The following SLC25A51 variants were observed in gnomAD, a reference collection of about 807,000 sequenced individuals.
SLC25A51 encodes the protein mitochondrial nicotinamide adenine dinucleotide transporter SLC25A51.
In SLC25A51, 11 loss-of-function variants were observed where a neutral mutation model predicts 19.1. The ratio of observed to expected loss-of-function variants is 0.58; its 90% CI spans 0.36 to 0.96. SLC25A51 has a LOEUF of 0.96. SLC25A51 is among the 40% of genes least tolerant of loss of function. The pLI is 0.01. For missense variants in SLC25A51, 201 were observed against 365.4 expected, an observed-to-expected ratio of 0.55 and a Z score of 3.67; for synonymous variants, 105 against 133.6, an observed-to-expected ratio of 0.79 and a Z score of 1.47.
chr9:37,889,496 G>A (rs1039028470), intron 2 of SLC25A51, among the ~76,000 whole-genome samples: 9 of 152,012 alleles, frequency 5.9e-5, no homozygotes, highest in Non-Finnish European at 1.2e-4. Flanking sequence ...AGGCCTACAG[G>A]TATGTACCAT....
chr9:37,880,185 TGCCTGCAATCCCAGCTACTC>T (rs1831323265), exon 4 of SLC25A51: 1 of 151,572 alleles, frequency 6.6e-6, no homozygotes, highest in African/African-American at 2.4e-5. Flanking sequence ...TGATGGCGGA[TGCCTGCAATCCCAGCTACTC>T]CGGAGGCTGA....
At chr9:37,882,302 T>C (rs1414665133) in intron 2 of SLC25A51, among the ~76,000 whole-genome samples, 1 of 152,090 alleles carries the variant, frequency 6.6e-6, no homozygotes. Flanking sequence ...CGCCTCACTC[T>C]ACTTCATCTA....
At chr9:37,887,401 C>T (rs1156355039), downstream of SLC25A51, among the ~76,000 whole-genome samples, 2 of 151,428 alleles carry the variant, frequency 1.3e-5, no homozygotes, top group African/African-American at 2.4e-5. Context: ...TCATTGAAGA[C>T]AATATTGAAC....
chr9:37,888,571 T>C lies in SLC25A51; in HGVS notation c.-21A>G. 2 of 1,566,544 alleles carry C rather than the reference T, an allele frequency of 1.3e-6. No individual in the cohort carries two copies. Among genetic ancestry groups the C allele is most frequent in the South Asian group, 2.4e-5 (2 of 82,970 alleles). On this transcript the variant is annotated 5_prime_UTR_variant, in exon 3 of 3. Coordinates refer to ENST00000242275, the MANE Select transcript of SLC25A51 (RefSeq NM_033412.4). ...ATCATGCTGCTTAAGATCTTTCTTTTTCATGAAGGACTTTTTTTAACCTAC... is the reference window on the plus strand; with the variant it reads ...ATCATGCTGCTTAAGATCTTTCTTTCTCATGAAGGACTTTTTTTAACCTAC...
intron 1 of SLC25A51, among the ~76,000 whole-genome samples, chr9:37,903,330 G>A (rs577848305): frequency 6.6e-6 from 1 of 152,214 alleles, no homozygotes; most frequent in Non-Finnish European, 1.5e-5. Flanking sequence ...AGGTAGAGCT[G>A]TGAGATGCAA....
At chr9:37,900,024 G>T (rs55691511) in intron 1 of SLC25A51, 74 bp from the exon 2 acceptor site, 2 of 65,150 alleles carry the variant, frequency 3.1e-5, no homozygotes, top group African/African-American at 5.6e-5. Context: ...TTTTTGTAGA[G>T]ACAGGGTCTC....
downstream of SLC25A51, chr9:37,885,563 G>C: frequency 1.6e-6 from 1 of 638,334 alleles, no homozygotes; most frequent in Non-Finnish European, 2.8e-6. Context: ...CTAATTTTTT[G>C]TATTTTTAGT....
chr9:37,890,776 C>T (rs937937716), intron 2 of SLC25A51, among the ~76,000 whole-genome samples: 5 of 152,022 alleles, frequency 3.3e-5, no homozygotes, highest in Admixed American at 3.3e-4. Context: ...GTCTCAAAGA[C>T]CTTGTACACC....
intron 1 of SLC25A51, among the ~76,000 whole-genome samples, chr9:37,901,090 TCCTTGGGCTCACATCATCTGCCAG>T (rs1831838115): frequency 1.3e-5 from 2 of 152,078 alleles, no homozygotes; most frequent in East Asian, 1.9e-4. Context: ...GGTCTCAAAC[TCCTTGGGCTCACATCATCTGCCAG>T]CCTTGGCCTC....
intron 2 of SLC25A51, among the ~76,000 whole-genome samples, chr9:37,890,076 A>AT (rs1831549308): frequency 1.3e-5 from 2 of 151,970 alleles, no homozygotes; most frequent in South Asian, 4.1e-4. Context: ...TTTTAATTGG[A>AT]TTTTAATTCC....
Position 37,899,967 on chromosome 9 carries a change from T to C in SLC25A51, c.-164-17A>G, listed in dbSNP as rs1831808113. The C allele has an allele frequency of 6.8e-6, 1 of 146,414 alleles. No individual in the cohort carries two copies. Among genetic ancestry groups the C allele is most frequent in the South Asian group, 2.2e-4 (1 of 4,502 alleles). The allele number at this position is 146,414 out of a possible 1,614,324, so 9.1% of individuals were successfully genotyped here. On this transcript the variant is annotated splice_polypyrimidine_tract_variant and intron_variant, in intron 1 of 2. Transcript: ENST00000242275. ...CTGGATTTCCTTAAAAAAAAAAAAA[T>C]TCTGGTTTAATTTATATAGCCTTTT...
intron 2 of SLC25A51, among the ~76,000 whole-genome samples, chr9:37,891,378 C>G (rs1011990506): frequency 6.6e-6 from 1 of 152,134 alleles, no homozygotes; most frequent in Non-Finnish European, 1.5e-5. Context: ...TCATTGAGAA[C>G]GGGCCATGAT....
intron 2 of SLC25A51, among the ~76,000 whole-genome samples, chr9:37,897,060 C>T (rs1035080846): frequency 1.3e-5 from 2 of 152,120 alleles, no homozygotes; most frequent in Non-Finnish European, 2.9e-5. Flanking sequence ...AAATACTGAT[C>T]ATCTTTTCAA....
At chr9:37,887,254 T>G (rs773891911), downstream of SLC25A51, among the ~76,000 whole-genome samples, 3 of 151,438 alleles carry the variant, frequency 2.0e-5, no homozygotes, top group African/African-American at 7.3e-5. Flanking sequence ...GAGGCGGAGG[T>G]TGCAGTGAGC....
intron 2 of SLC25A51, among the ~76,000 whole-genome samples, chr9:37,896,471 T>C (rs1312632681): frequency 6.6e-6 from 1 of 152,168 alleles, no homozygotes; most frequent in Non-Finnish European, 1.5e-5. Context: ...TGGTGGAAGA[T>C]GTATCCACAG....
downstream of SLC25A51, chr9:37,885,606 T>C (rs73646122): frequency 9.1e-3 from 6,839 of 754,310 alleles, 332 homozygotes; most frequent in African/African-American, 0.11. Flanking sequence ...TTTCACTCTT[T>C]TTGGCAACAA....
chr9:37,888,061 G>A lies in SLC25A51; in HGVS notation c.490C>T (p.Leu164=). 6.2e-7 allele frequency: 1 copy of A among 1,613,762 alleles called. No homozygotes were observed. The highest frequency in any genetic ancestry group is 8.5e-7 in the Non-Finnish European group (1 of 1,179,870). The part of the protein sequence containing the change: ...FTNTYQAFKA[L]KCHGIGEYYR... ...TACTCTCCAATTCCATGACATTTCA[G>A]TGCCTTGAAAGCCTGGTAAGTGTTG... Residue 164 remains leucine (L), a synonymous_variant, in exon 3 of 3, where the codon CTG becomes TTG. Coordinates refer to ENST00000242275, the MANE Select transcript of SLC25A51 (RefSeq NM_033412.4).
intron 1 of SLC25A51, among the ~76,000 whole-genome samples, chr9:37,901,279 C>T (rs1446863210): frequency 6.6e-6 from 1 of 152,206 alleles, no homozygotes; most frequent in Non-Finnish European, 1.5e-5. Context: ...AAGCGATTCT[C>T]CTGCCTCAGC....
chr9:37,899,894 A>C lies in SLC25A51; in HGVS notation c.-108T>G, dbSNP rs891633923. ...TGTGATAATGTTCCCAATTTCTTCC[A>C]TTGTTATTGTTCTGTTAGGTTCTCT... On this transcript the variant is annotated 5_prime_UTR_variant, in exon 2 of 3. An upstream start codon of the reference 5' UTR is lost. Coordinates refer to ENST00000242275, the MANE Select transcript of SLC25A51 (RefSeq NM_033412.4). 6 of 154,280 alleles carry C rather than the reference A, an allele frequency of 3.9e-5. No homozygotes were observed. The highest frequency in any genetic ancestry group is 3.6e-4 in the Admixed American group (5 of 13,844). 9.6% of individuals were successfully genotyped at this position (154,280 alleles called of 1,614,324 possible).
Sources: allele counts gnomAD v4.1 joint callset (sites outside exome capture counted in the v4.1 genomes callset), GRCh38; gene constraint gnomAD v4.1.1; transcripts MANE v1.5; gene names NCBI Gene and HGNC (gene_info 2026-07-23, HGNC 2026-07-21).